Variants in MSRB3 observed in about 807,000 individuals in gnomAD.
The protein encoded by MSRB3 is methionine sulfoxide reductase B3, also known as methionine-R-sulfoxide reductase B3.
Under a neutral mutation model 21.0 loss-of-function variants are expected in MSRB3, and 13 were observed. The ratio of observed to expected loss-of-function variants is 0.62; its 90% CI spans 0.40 to 0.98. The LOEUF (loss-of-function observed/expected upper bound fraction) is 0.98, where lower values mean the gene tolerates loss of function less well. Ranked by LOEUF, MSRB3 falls within the 50% of genes least tolerant of loss-of-function variation. The pLI, the probability that MSRB3 is intolerant of heterozygous loss-of-function variation, is 0.00. For missense variants in MSRB3, 199 were observed against 230.3 expected (o/e 0.86, Z 0.88); for synonymous variants, 87 against 88.6 (o/e 0.98, Z 0.10).
intron 4 of MSRB3, among the ~76,000 whole-genome samples, chr12:65,350,271 C>T (rs1336886652): frequency 6.6e-6 from 1 of 151,510 alleles, no homozygotes; most frequent in East Asian, 2.0e-4. Context: ...TGATCTATAT[C>T]TCTGTTTTGG....
intron 4 of MSRB3, among the ~76,000 whole-genome samples, chr12:65,330,013 A>G (rs936464352): frequency 6.6e-6 from 1 of 152,232 alleles, no homozygotes; most frequent in Non-Finnish European, 1.5e-5. Context: ...AGCTTATGTC[A>G]TAATAGTTGA....
chr12:65,369,155 C>G (rs918148511), intron 5 of MSRB3, 129 bp downstream of exon 5: 1 of 701,156 alleles, frequency 1.4e-6, no homozygotes, highest in Admixed American at 2.4e-5. Context: ...AATGTGAGTC[C>G]CACCTCAAAG....
At chr12:65,376,990 A>G (rs1878660943) in intron 5 of MSRB3, among the ~76,000 whole-genome samples, 2 of 152,318 alleles carry the variant, frequency 1.3e-5, no homozygotes, top group South Asian at 2.1e-4. Context: ...CTGAGACTTT[A>G]TATGATTCAA....
chr12:65,341,915 TAAAAACCTCTTAGTATAAATG>T (rs1278986720), intron 4 of MSRB3, among the ~76,000 whole-genome samples: 1 of 151,990 alleles, frequency 6.6e-6, no homozygotes, highest in African/African-American at 2.4e-5. Flanking sequence ...TTCTTTAATT[TAAAAACCTCTTAGTATAAATG>T]AATACTATGT....
At chr12:65,392,595 C>G (rs1879543529) in intron 5 of MSRB3, among the ~76,000 whole-genome samples, 1 of 152,128 alleles carries the variant, frequency 6.6e-6, no homozygotes, top group South Asian at 2.1e-4. Context: ...GTTACTGTTT[C>G]TCAGTCATTG....
chr12:65,374,526 C>T (rs1399949437), intron 5 of MSRB3, among the ~76,000 whole-genome samples: 1 of 152,144 alleles, frequency 6.6e-6, no homozygotes, highest in Non-Finnish European at 1.5e-5. Context: ...TCAAAGACCT[C>T]TTGATATTTA....
intron 2 of MSRB3, among the ~76,000 whole-genome samples, chr12:65,325,007 T>C (rs1487787154): frequency 3.5e-5 from 5 of 142,172 alleles, no homozygotes; most frequent in Non-Finnish European, 8.0e-5. Context: ...CATTTTGTCA[T>C]GTTAAGTTTG....
intron 5 of MSRB3, among the ~76,000 whole-genome samples, chr12:65,446,587 C>T (rs1882629191): frequency 6.6e-6 from 1 of 151,986 alleles, no homozygotes; most frequent in Non-Finnish European, 1.5e-5. Context: ...GTTTGTTTCC[C>T]CTCTCTCCCA....
chr12:65,306,486 A>G (rs1324754405), intron 1 of MSRB3, among the ~76,000 whole-genome samples: 1 of 152,182 alleles, frequency 6.6e-6, no homozygotes, highest in African/African-American at 2.4e-5. Context: ...CTTTTCTACT[A>G]TCCATGCAGG....
chr12:65,385,924 T>C (rs769212752), intron 5 of MSRB3, among the ~76,000 whole-genome samples: 9 of 151,762 alleles, frequency 5.9e-5, no homozygotes, highest in Non-Finnish European at 1.2e-4. Context: ...ACAAACATAT[T>C]TGACCTTGTA....
At chr12:65,409,999 C>G (rs1880631391) in intron 5 of MSRB3, among the ~76,000 whole-genome samples, 1 of 152,014 alleles carries the variant, frequency 6.6e-6, no homozygotes. Context: ...TCCATTCCCT[C>G]TTTTTTCAAT....
intron 5 of MSRB3, among the ~76,000 whole-genome samples, chr12:65,431,443 G>T (rs191817837): frequency 6.6e-6 from 1 of 151,902 alleles, no homozygotes; most frequent in Admixed American, 6.6e-5. Context: ...ATACATCCCA[G>T]CGATTTAATG....
chr12:65,449,943 A>G (rs544220552), intron 5 of MSRB3, among the ~76,000 whole-genome samples: 1 of 152,284 alleles, frequency 6.6e-6, no homozygotes, highest in Non-Finnish European at 1.5e-5. Context: ...TGGGATGGAG[A>G]GCTAAGAAAG....
intron 5 of MSRB3, among the ~76,000 whole-genome samples, chr12:65,406,415 T>A (rs892434434): frequency 6.6e-6 from 1 of 152,200 alleles, no homozygotes; most frequent in Non-Finnish European, 1.5e-5. Flanking sequence ...CACTGAAAAC[T>A]ATAAAACGTT....
chr12:65,442,557 G>A (rs887827873), intron 5 of MSRB3, among the ~76,000 whole-genome samples: 3 of 152,002 alleles, frequency 2.0e-5, no homozygotes, highest in African/African-American at 2.4e-5. Context: ...AATAATCTTT[G>A]CTCAGCAAGC....
chr12:65,444,830 CT>C (rs1882541520), intron 5 of MSRB3, among the ~76,000 whole-genome samples: 2 of 152,190 alleles, frequency 1.3e-5, no homozygotes, highest in Non-Finnish European at 2.9e-5. Context: ...CCCTTGTCCT[CT>C]TCCTATTTCT....
At chr12:65,318,976 G>T (rs1313886685) in intron 2 of MSRB3, among the ~76,000 whole-genome samples, 2 of 152,128 alleles carry the variant, frequency 1.3e-5, no homozygotes, top group Admixed American at 6.6e-5. Flanking sequence ...AATTATTAAT[G>T]AATGTTTCAT....
chr12:65,327,063 C>A (rs980963391), intron 3 of MSRB3, 129 bp downstream of exon 3: 2 of 725,528 alleles, frequency 2.8e-6, no homozygotes, highest in African/African-American at 1.8e-5. Flanking sequence ...GAATTAGTAT[C>A]CTTGAAAAGG....
chr12:65,454,073 C>T (rs1882981810), intron 6 of MSRB3: 3 of 629,754 alleles, frequency 4.8e-6, no homozygotes, highest in South Asian at 1.9e-5. Context: ...CACTTGAGGC[C>T]AGAAGTTCAA....
Sources: gnomAD v4.1 joint callset for allele counts (sites outside exome capture counted in the v4.1 genomes callset) on GRCh38, gnomAD v4.1.1 for gene constraint, MANE v1.5 for transcripts, NCBI Gene and HGNC (gene_info 2026-07-23, HGNC 2026-07-21) for gene names.